Variants in GGA2 observed in about 807,000 individuals in gnomAD.
GGA2 encodes ADP-ribosylation factor-binding protein GGA2.
In GGA2, 48 loss-of-function variants were observed where a neutral mutation model predicts 79.5. That is an observed-to-expected ratio of 0.60 (90% CI 0.48 to 0.77). GGA2 has a LOEUF of 0.77. Ranked by LOEUF, GGA2 falls within the 30% of genes least tolerant of loss-of-function variation. The probability of loss-of-function intolerance (pLI) is 0.00; values close to 1 mark genes in which losing one functional copy is unlikely to be tolerated. For missense variants in GGA2, 770 were observed against 774.0 expected (o/e 0.99, Z 0.06); for synonymous variants, 317 against 302.0 (o/e 1.05, Z -0.51).
At position 23,486,124 on chromosome 16, in the gene GGA2, T is replaced by C; in HGVS notation, c.689A>G (p.Lys230Arg). ...CACTTCCTCCACCGCACTGACCCTC[T>C]TGGACACCTTCTCCGATTTTTCTTG... ...EEQEKSEKVS[K>R]RVSAVEEVRS... Residue 230 changes from lysine (K) to arginine (R), a missense_variant, in exon 8 of 17, where the codon AAG (lysine) becomes AGG (arginine). By Grantham distance (26) the Lys-to-Arg change is conservative. Coordinates refer to ENST00000309859, the MANE Select transcript of GGA2 (RefSeq NM_015044.4). 1.9e-6 allele frequency: 3 copies of C among 1,613,910 alleles called. No individual in the cohort carries two copies. Among genetic ancestry groups the C allele is most frequent in the Non-Finnish European group, 2.5e-6 (3 of 1,179,790 alleles).
At chr16:23,489,062 T>C (rs970628097) in intron 5 of GGA2, among the ~76,000 whole-genome samples, 1 of 152,124 alleles carries the variant, frequency 6.6e-6, no homozygotes, top group Non-Finnish European at 1.5e-5. Context: ...CTCCTGAAAA[T>C]GCTGAGTGTA....
At chr16:23,485,705 A>G (rs1964702701) in intron 8 of GGA2, among the ~76,000 whole-genome samples, 1 of 152,238 alleles carries the variant, frequency 6.6e-6, no homozygotes, top group South Asian at 2.1e-4. Context: ...TACACACAGC[A>G]ACGTGAATGG....
chr16:23,491,584 A>T, intron 5 of GGA2, 93 bp downstream of exon 5: 1 of 1,149,616 alleles, frequency 8.7e-7, no homozygotes, highest in Non-Finnish European at 1.3e-6. Flanking sequence ...CATAAGAAGT[A>T]CAGCTTTCAA....
chr16:23,510,906 CGT>C (rs150030103), upstream of GGA2, among the ~76,000 whole-genome samples: 2,802 of 47,818 alleles, frequency 0.059, 299 homozygotes, highest in East Asian at 0.11. Flanking sequence ...TGGGTTTCAC[CGT>C]GTGTGTGTGT....
upstream of GGA2, among the ~76,000 whole-genome samples, chr16:23,515,049 G>A (rs1965094965): frequency 6.6e-6 from 1 of 151,818 alleles, no homozygotes. Context: ...GTAGTGGTTG[G>A]GTGTGCAGGC....
rs1471032120 is a variant in GGA2, at chr16:23,463,676, C to G, written c.*3914G>C. 6.6e-6 allele frequency: 1 copy of G among 152,188 alleles called. No individual in the cohort carries two copies. The allele number at this position is 152,188 out of a possible 1,614,324, so 9.4% of individuals were successfully genotyped here. A position where few individuals can be genotyped will look rare whatever the true frequency, so the allele number is the denominator to read the frequency against. ...ACAAACATCTTGGTGCATCGCTTGGCTTTAAAACAAACTGGGGTCAGGACA... is the reference window on the plus strand; with the variant it reads ...ACAAACATCTTGGTGCATCGCTTGGGTTTAAAACAAACTGGGGTCAGGACA... On this transcript the variant is annotated 3_prime_UTR_variant, in exon 17 of 17. Transcript: ENST00000309859.
chr16:23,484,336 C>T (rs558100995), intron 8 of GGA2, among the ~76,000 whole-genome samples: 2 of 152,028 alleles, frequency 1.3e-5, no homozygotes, highest in African/African-American at 2.4e-5. Context: ...GAGAATCGCT[C>T]GAACCCGGGA....
upstream of GGA2, chr16:23,522,521 A>C (rs1597003370): frequency 6.6e-6 from 1 of 152,232 alleles, no homozygotes; most frequent in East Asian, 1.9e-4. Context: ...GCCTCCAATA[A>C]ACATAAGTGA....
chr16:23,505,500 T>C (rs1366760062), intron 1 of GGA2, among the ~76,000 whole-genome samples: 1 of 152,018 alleles, frequency 6.6e-6, no homozygotes, highest in Non-Finnish European at 1.5e-5. Flanking sequence ...CCAAAATACA[T>C]GAAGTGGAAA....
intron 14 of GGA2, among the ~76,000 whole-genome samples, chr16:23,471,909 TA>T (rs1964515397): frequency 1.3e-5 from 2 of 151,854 alleles, no homozygotes; most frequent in South Asian, 4.2e-4. Context: ...GCCCCATCTC[TA>T]AAAAAATTTA....
At chr16:23,493,525 G>T (rs773293701) in intron 3 of GGA2, 67 bp from the exon 4 acceptor site, 1 of 1,014,562 alleles carries the variant, frequency 9.9e-7, no homozygotes, top group Non-Finnish European at 1.6e-6. Flanking sequence ...CTCCAGGCTG[G>T]TAATCACTTG....
chr16:23,518,372 C>T (rs1965115834), intron 2 of GGA2, among the ~76,000 whole-genome samples: 1 of 152,110 alleles, frequency 6.6e-6, no homozygotes, highest in African/African-American at 2.4e-5. Context: ...CAATGCTCAG[C>T]TAATTTCTGT....
intron 1 of GGA2, among the ~76,000 whole-genome samples, chr16:23,505,097 C>T (rs2142142989): frequency 6.6e-6 from 1 of 152,330 alleles, no homozygotes; most frequent in South Asian, 2.1e-4. Context: ...TTCAGCAGTC[C>T]ACGCTGCAGG....
Position 23,474,952 on chromosome 16 carries a change from T to C in GGA2, c.1402A>G (p.Asn468Asp). Residue 468 changes from asparagine (N) to aspartate (D), a missense_variant, in exon 14 of 17, where the codon AAT becomes GAT. Coordinates refer to ENST00000309859, the MANE Select transcript of GGA2 (RefSeq NM_015044.4). ...GPLAPSPSSQ[N>D]TPLAQVFVPL... ...ACAAACACTTGAGCCAGAGGTGTAT[T>C]CTGTGAAGATGGGGAAGGAGCCAAC... is the stretch of plus-strand genomic sequence containing the variant. The C allele has an allele frequency of 1.9e-6, 3 of 1,613,322 alleles. No individual in the cohort carries two copies. The highest frequency in any genetic ancestry group is 2.5e-6 in the Non-Finnish European group (3 of 1,179,388).
intron 16 of GGA2, 65 bp from the exon 17 acceptor site, chr16:23,467,765 TAAGTC>T (rs938991123): frequency 8.8e-6 from 7 of 798,954 alleles, no homozygotes; most frequent in South Asian, 4.1e-5. Context: ...GGGTCAATGT[TAAGTC>T]AAGTGAGTGT....
chr16:23,474,924 G>T lies in GGA2; in HGVS notation c.1430C>A (p.Pro477His). The T allele has an allele frequency of 6.2e-7, 1 of 1,613,026 alleles. No homozygotes were observed. Among genetic ancestry groups the T allele is most frequent in the Non-Finnish European group, 8.5e-7 (1 of 1,179,106 alleles). ...CTTACTGGGCTTAACAGACTCCAAA[G>T]GGACAAACACTTGAGCCAGAGGTGT... ...QNTPLAQVFVPLESVKPSSLP... is the reference protein window; with the variant it reads ...QNTPLAQVFVHLESVKPSSLP... The change falls in exon 14 of 17, where the codon CCT becomes CAT. Residue 477 changes from proline to histidine, a missense_variant. Pro to His is a moderately conservative substitution (Grantham distance 77, BLOSUM62 -2). Transcript: ENST00000309859.
intron 1 of GGA2, among the ~76,000 whole-genome samples, chr16:23,504,475 G>C (rs758697070): frequency 1.2e-4 from 18 of 152,344 alleles, no homozygotes; most frequent in Non-Finnish European, 2.5e-4. Flanking sequence ...TGTTTGGCCA[G>C]CTGGCTGGAC....
intron 1 of GGA2, among the ~76,000 whole-genome samples, chr16:23,507,710 G>A (rs1011189277): frequency 6.6e-6 from 1 of 152,196 alleles, no homozygotes; most frequent in African/African-American, 2.4e-5. Flanking sequence ...TGAGGCAGGA[G>A]AATTGCTTGA....
chr16:23,479,129 T>A, intron 11 of GGA2: 2 of 591,738 alleles, frequency 3.4e-6, no homozygotes, highest in Non-Finnish European at 6.1e-6. Flanking sequence ...GCAGCAGGTA[T>A]GTGCTCCCCA....
Sources: allele counts gnomAD v4.1 joint callset (sites outside exome capture counted in the v4.1 genomes callset), GRCh38; gene constraint gnomAD v4.1.1; transcripts MANE v1.5; gene names NCBI Gene and HGNC (gene_info 2026-07-23, HGNC 2026-07-21).